ILRUN: variants seen among roughly 807,000 people sequenced by gnomAD.
The protein encoded by ILRUN is protein ILRUN.
ILRUN carries 3 observed loss-of-function variants against 33.8 expected under a neutral mutation model. The observed-to-expected ratio is 0.09, with a 90% CI of 0.04 to 0.23. ILRUN has a LOEUF of 0.23. Among genes scored for constraint, ILRUN ranks in the 10% least tolerant of loss-of-function variants. The pLI, the probability that ILRUN is intolerant of heterozygous loss-of-function variation, is 1.00. For synonymous variants in ILRUN, 124 were observed against 138.9 expected, an observed-to-expected ratio of 0.89 and a Z score of 0.75; for missense variants, 210 against 375.1, an observed-to-expected ratio of 0.56 and a Z score of 3.64.
intron 1 of ILRUN, 66 bp downstream of exon 1, chr6:34,696,380 G>GTCCCT (rs1763774257): frequency 1.4e-6 from 2 of 1,479,864 alleles, no homozygotes; most frequent in South Asian, 1.3e-5. Context: ...AAGCTCAAGT[G>GTCCCT]TCCCTTCCCT....
At chr6:34,664,957 CA>C (rs2127373441) in intron 1 of ILRUN, among the ~76,000 whole-genome samples, 1 of 152,060 alleles carries the variant, frequency 6.6e-6, no homozygotes, top group South Asian at 2.1e-4. Flanking sequence ...AAAATACCAG[CA>C]ATTTTTTGTT....
At position 34,696,648 on chromosome 6, in the gene ILRUN, C is replaced by A. The variant is rs760156075; in HGVS notation, c.-45G>T. The A allele has an allele frequency of 3.2e-6, 5 of 1,565,132 alleles. No individual in the cohort carries two copies. The South Asian group carries it at 5.7e-5, about 18-fold the overall frequency. ...CTTCCCCGCCTCTTCACAACCAAGC[C>A]GCCGCCGCGCCGCCGGGCCCGGGGA... is the stretch of plus-strand genomic sequence containing the variant. On this transcript the variant is annotated 5_prime_UTR_variant, in exon 1 of 5. Coordinates refer to ENST00000374023, the MANE Select transcript of ILRUN (RefSeq NM_024294.4).
chr6:34,674,698 T>C (rs1298597002), intron 1 of ILRUN, among the ~76,000 whole-genome samples: 5 of 152,144 alleles, frequency 3.3e-5, no homozygotes, highest in African/African-American at 1.2e-4. Flanking sequence ...CATTTGTAAT[T>C]TGGATAAAAT....
At chr6:34,687,858 G>A (rs1004441221) in intron 1 of ILRUN, among the ~76,000 whole-genome samples, 2 of 151,850 alleles carry the variant, frequency 1.3e-5, no homozygotes, top group Admixed American at 6.6e-5. Flanking sequence ...TTCAGCCATC[G>A]TGGAAAAGAG....
chr6:34,658,974 C>T (rs1244434240), intron 1 of ILRUN, among the ~76,000 whole-genome samples: 2 of 152,200 alleles, frequency 1.3e-5, no homozygotes, highest in African/African-American at 4.8e-5. Flanking sequence ...GCAACGTATG[C>T]AAATGTCCTG....
At chr6:34,601,715 C>A (rs1181362314) in intron 4 of ILRUN, among the ~76,000 whole-genome samples, 2 of 150,706 alleles carry the variant, frequency 1.3e-5, no homozygotes, top group South Asian at 2.1e-4. Flanking sequence ...GCCCCCCCAA[C>A]TACTGTTTCT....
At chr6:34,616,914 G>A in intron 3 of ILRUN, 1 of 610,584 alleles carries the variant, frequency 1.6e-6, no homozygotes, top group South Asian at 1.4e-5. Flanking sequence ...AACATGCTGA[G>A]GATTGTAGAA....
At chr6:34,691,795 C>CAA (rs34756076) in intron 1 of ILRUN, among the ~76,000 whole-genome samples, 5 of 126,870 alleles carry the variant, frequency 3.9e-5, no homozygotes, top group East Asian at 4.5e-4. Context: ...AACTCTGTCT[C>CAA]AAAAAAAAAA....
intron 1 of ILRUN, among the ~76,000 whole-genome samples, chr6:34,694,769 G>C (rs1763722720): frequency 6.6e-6 from 1 of 151,994 alleles, no homozygotes; most frequent in South Asian, 2.1e-4. Flanking sequence ...AAAAAAAATG[G>C]CGGGGCATAG....
chr6:34,683,195 T>C (rs1355129132), intron 1 of ILRUN, among the ~76,000 whole-genome samples: 6 of 151,362 alleles, frequency 4.0e-5, no homozygotes, highest in Non-Finnish European at 8.8e-5. Flanking sequence ...TGTATGTGTA[T>C]ATATATGTAT....
chr6:34,610,513 A>T (rs1300401569), intron 3 of ILRUN, among the ~76,000 whole-genome samples: 9 of 152,216 alleles, frequency 5.9e-5, no homozygotes, highest in African/African-American at 2.2e-4. Flanking sequence ...AGTATTCCTA[A>T]TTTGAAAATC....
At chr6:34,614,443 A>AAAATATATATAT (rs71000073) in intron 3 of ILRUN, among the ~76,000 whole-genome samples, 37 of 133,582 alleles carry the variant, frequency 2.8e-4, no homozygotes, top group African/African-American at 7.7e-4. Context: ...AAAAAAAAAA[A>AAAATATATATAT]ATATATATAT....
intron 2 of ILRUN, among the ~76,000 whole-genome samples, chr6:34,649,013 T>C (rs1019109684): frequency 6.6e-6 from 1 of 152,144 alleles, no homozygotes; most frequent in Admixed American, 6.5e-5. Context: ...AGTTAGTCAG[T>C]AAAACATTAA....
chr6:34,614,431 TAAAAAAAA>T (rs869049658), intron 3 of ILRUN, among the ~76,000 whole-genome samples: 2 of 113,932 alleles, frequency 1.8e-5, no homozygotes, highest in African/African-American at 6.8e-5. Flanking sequence ...CAAAAAATAA[TAAAAAAAA>T]AAAAATATAT....
At chr6:34,661,377 G>C (rs1762883090) in intron 1 of ILRUN, among the ~76,000 whole-genome samples, 1 of 152,146 alleles carries the variant, frequency 6.6e-6, no homozygotes, top group Non-Finnish European at 1.5e-5. Flanking sequence ...TGGAATCTAG[G>C]TGGTAGGCAC....
intron 1 of ILRUN, among the ~76,000 whole-genome samples, chr6:34,675,547 C>CT (rs777562450): frequency 6.6e-5 from 10 of 151,980 alleles, no homozygotes; most frequent in Non-Finnish European, 1.3e-4. Flanking sequence ...AGAATTATTT[C>CT]TCCCCCTCCC....
At position 34,590,503 on chromosome 6, in the gene ILRUN, C is replaced by A; in HGVS notation, c.*62G>T. ...GTCTGCAATCCAGAGGAACCCCTTG[C>A]CCTAACCCCCCAAAGTCAGGCCTTC... is the stretch of plus-strand genomic sequence containing the variant. On this transcript the variant is annotated 3_prime_UTR_variant, in exon 5 of 5. Coordinates refer to ENST00000374023, the MANE Select transcript of ILRUN (RefSeq NM_024294.4). The A allele has an allele frequency of 6.2e-7, 1 of 1,611,656 alleles. No homozygotes were observed. The highest frequency in any genetic ancestry group is 1.1e-5 in the South Asian group (1 of 90,768).
chr6:34,694,205 C>G lies in ILRUN; in HGVS notation c.158+2241G>C, dbSNP rs905070850. Among the ~76,000 whole-genome samples the G allele has an allele frequency of 3.8e-4, 58 of 152,096 alleles. 1 individual carries two copies. The highest frequency in any genetic ancestry group is 1.4e-3 in the African/African-American group (58 of 41,410). On this transcript the variant is annotated intron_variant, in intron 1 of 4. Transcript: ENST00000374023. ...AATCTTAGACATTAAATACATACCT[C>G]AAACATATAAAATTCATTACACTGC... is the stretch of plus-strand genomic sequence containing the variant.
At chr6:34,688,133 G>A (rs1228233301) in intron 1 of ILRUN, among the ~76,000 whole-genome samples, 2 of 152,198 alleles carry the variant, frequency 1.3e-5, no homozygotes, top group Admixed American at 1.3e-4. Context: ...GGGGTTGGGG[G>A]GTGGCTCATG....
Sources: allele counts gnomAD v4.1 joint callset (sites outside exome capture counted in the v4.1 genomes callset), GRCh38; gene constraint gnomAD v4.1.1; transcripts MANE v1.5; gene names NCBI Gene and HGNC (gene_info 2026-07-23, HGNC 2026-07-21).